The following AGBL4 variants were observed in gnomAD, a reference collection of about 807,000 sequenced individuals.
AGBL4 encodes AGBL carboxypeptidase 4, also known as cytosolic carboxypeptidase 6.
AGBL4 carries 58 observed loss-of-function variants against 66.4 expected under a neutral mutation model. The observed-to-expected ratio is 0.87, with a 90% CI of 0.71 to 1.09. The LOEUF (loss-of-function observed/expected upper bound fraction) is 1.09. Among genes scored for constraint, AGBL4 ranks in the 50% least tolerant of loss-of-function variants. The pLI, the probability that AGBL4 is intolerant of heterozygous loss-of-function variation, is 0.00. For synonymous variants in AGBL4, 234 were observed against 222.9 expected, an observed-to-expected ratio of 1.05 and a Z score of -0.44; for missense variants, 579 against 631.0, an observed-to-expected ratio of 0.92 and a Z score of 0.88.
At chr1:49,526,715 G>A (rs1650688435) in intron 3 of AGBL4, among the ~76,000 whole-genome samples, 1 of 152,078 alleles carries the variant, frequency 6.6e-6, no homozygotes. Flanking sequence ...ATGACAAAGA[G>A]TTTGGAGCAT....
chr1:49,578,260 C>T (rs1644474871), intron 3 of AGBL4, among the ~76,000 whole-genome samples: 1 of 152,162 alleles, frequency 6.6e-6, no homozygotes, highest in South Asian at 2.1e-4. Context: ...GAAGAGTATG[C>T]ATGGAATACA....
chr1:48,548,831 C>G (rs1644206136), intron 11 of AGBL4, among the ~76,000 whole-genome samples: 1 of 152,226 alleles, frequency 6.6e-6, no homozygotes. Flanking sequence ...TCAGAAGTCA[C>G]TTGTCTGATG....
intron 1 of AGBL4, among the ~76,000 whole-genome samples, chr1:49,877,560 C>A (rs1647056378): frequency 6.6e-6 from 1 of 151,888 alleles, no homozygotes; most frequent in African/African-American, 2.4e-5. Flanking sequence ...ATTCGGTTTG[C>A]CAGTATTTTA....
At chr1:49,477,525 C>T (rs974177740) in intron 3 of AGBL4, among the ~76,000 whole-genome samples, 1 of 152,060 alleles carries the variant, frequency 6.6e-6, no homozygotes, top group Non-Finnish European at 1.5e-5. Context: ...CTTGGGGTGC[C>T]CCCTAATGTG....
chr1:49,846,313 A>G, intron 2 of AGBL4: 2 of 1,530,314 alleles, frequency 1.3e-6, no homozygotes, highest in East Asian at 4.5e-5. Flanking sequence ...TCCACACAGG[A>G]GAGAAGCCAT....
At chr1:49,051,943 G>T (rs142405812) in intron 4 of AGBL4, among the ~76,000 whole-genome samples, 1 of 152,218 alleles carries the variant, frequency 6.6e-6, no homozygotes, top group Non-Finnish European at 1.5e-5. Flanking sequence ...GGCACTCAGG[G>T]TGGGAGGAGA....
At chr1:48,818,119 G>T (rs41291542) in intron 6 of AGBL4, 29 of 716,962 alleles carry the variant, frequency 4.0e-5, no homozygotes, top group Non-Finnish European at 7.3e-5. Flanking sequence ...TCTTCCAGCC[G>T]GAAACATTCC....
chr1:49,159,376 T>G (rs1342757191), intron 4 of AGBL4, among the ~76,000 whole-genome samples: 2 of 152,222 alleles, frequency 1.3e-5, no homozygotes, highest in Non-Finnish European at 2.9e-5. Context: ...TCTTTAAGAA[T>G]GCTGAATATT....
intron 5 of AGBL4, among the ~76,000 whole-genome samples, chr1:48,897,558 G>C (rs1468714244): frequency 6.6e-6 from 1 of 152,070 alleles, no homozygotes; most frequent in Admixed American, 6.5e-5. Flanking sequence ...CCTCCATACT[G>C]TTCTTCATAG....
chr1:49,182,626 T>C (rs1409316166), intron 4 of AGBL4, among the ~76,000 whole-genome samples: 1 of 152,190 alleles, frequency 6.6e-6, no homozygotes, highest in Non-Finnish European at 1.5e-5. Context: ...GAAAGATTAT[T>C]TTTATTCATT....
At chr1:48,687,634 C>T (rs1392347000) in intron 6 of AGBL4, among the ~76,000 whole-genome samples, 2 of 152,230 alleles carry the variant, frequency 1.3e-5, no homozygotes, top group African/African-American at 4.8e-5. Context: ...GATCTGCTGA[C>T]CAGCAGCTGT....
At chr1:48,523,726 T>A in the AGBL4 span, among the ~76,000 whole-genome samples, 4 of 151,788 alleles carry the variant, frequency 2.6e-5, no homozygotes, top group Non-Finnish European at 5.9e-5. Context: ...GCCAGAGCAA[T>A]GTACAGTCAT....
chr1:49,245,433 C>T (rs927857469), intron 4 of AGBL4, among the ~76,000 whole-genome samples: 2 of 151,140 alleles, frequency 1.3e-5, no homozygotes, highest in African/African-American at 4.9e-5. Flanking sequence ...CCAAAGATAC[C>T]ATAATAAAAG....
intron 8 of AGBL4, among the ~76,000 whole-genome samples, chr1:48,643,384 T>C (rs1406782709): frequency 6.6e-6 from 1 of 152,130 alleles, no homozygotes; most frequent in African/African-American, 2.4e-5. Context: ...CTGTACCCTA[T>C]GTAGGATGCA....
At chr1:49,365,065 A>G (rs1398156995) in intron 3 of AGBL4, among the ~76,000 whole-genome samples, 1 of 152,220 alleles carries the variant, frequency 6.6e-6, no homozygotes, top group African/African-American at 2.4e-5. Flanking sequence ...GATAACAATT[A>G]TTGTTAGTAA....
chr1:49,416,154 C>T (rs937113517), intron 3 of AGBL4, among the ~76,000 whole-genome samples: 8 of 151,666 alleles, frequency 5.3e-5, no homozygotes, highest in African/African-American at 7.3e-5. Flanking sequence ...TCAAAAGAAC[C>T]GGTACATTTT....
chr1:49,042,183 G>A (rs941884304), intron 5 of AGBL4, among the ~76,000 whole-genome samples: 3 of 151,976 alleles, frequency 2.0e-5, no homozygotes, highest in African/African-American at 4.8e-5. Context: ...GCCTCTCACA[G>A]GCTCTGAAGT....
chr1:49,920,157 A>C (rs2148237030), intron 1 of AGBL4, among the ~76,000 whole-genome samples: 1 of 152,346 alleles, frequency 6.6e-6, no homozygotes, highest in East Asian at 1.9e-4. Context: ...CCTAGGCAAT[A>C]CCATTCAGGA....
At chr1:49,534,708 C>G (rs143694100) in intron 3 of AGBL4, among the ~76,000 whole-genome samples, 1 of 152,322 alleles carries the variant, frequency 6.6e-6, no homozygotes, top group East Asian at 1.9e-4. Context: ...AGAGGAGGCT[C>G]TTGCAAGGGT....
Sources: allele counts gnomAD v4.1 joint callset (sites outside exome capture counted in the v4.1 genomes callset), GRCh38; gene constraint gnomAD v4.1.1; transcripts MANE v1.5; gene names NCBI Gene and HGNC (gene_info 2026-07-23, HGNC 2026-07-21).